Variants in HS3ST4 observed in about 807,000 individuals in gnomAD.
HS3ST4 encodes the protein heparan sulfate-glucosamine 3-sulfotransferase 4, also known as heparan sulfate glucosamine 3-O-sulfotransferase 4.
A neutral mutation model predicts 29.2 loss-of-function variants in HS3ST4; 17 were observed. The observed-to-expected ratio is 0.58, with a 90% CI of 0.40 to 0.87. The LOEUF (loss-of-function observed/expected upper bound fraction) is 0.87. Among genes scored for constraint, HS3ST4 ranks in the 40% least tolerant of loss-of-function variants. The probability of loss-of-function intolerance (pLI) is 0.00; values close to 1 mark genes in which losing one functional copy is unlikely to be tolerated. For synonymous variants in HS3ST4, 314 were observed against 285.7 expected (o/e 1.10, Z -1.00); for missense variants, 627 against 634.5 (o/e 0.99, Z 0.13).
At chr16:25,855,940 C>T (rs1402236804) in intron 1 of HS3ST4, among the ~76,000 whole-genome samples, 4 of 151,976 alleles carry the variant, frequency 2.6e-5, no homozygotes, top group Admixed American at 1.3e-4. Context: ...GAGAGAATGC[C>T]CTTTCCCCAG....
intron 1 of HS3ST4, among the ~76,000 whole-genome samples, chr16:25,905,238 G>A (rs1373937059): frequency 1.3e-5 from 2 of 152,136 alleles, no homozygotes; most frequent in Non-Finnish European, 2.9e-5. Context: ...AATGTTTTAA[G>A]CTAGGAACCT....
At chr16:25,741,365 TAAAAAAAAAAAA>T (rs66788248) in intron 1 of HS3ST4, among the ~76,000 whole-genome samples, 1 of 66,186 alleles carries the variant, frequency 1.5e-5, no homozygotes, top group Non-Finnish European at 2.6e-5. Context: ...GAATTCAAGG[TAAAAAAAAAAAA>T]AAAAAAAAAA....
At chr16:26,038,404 A>G (rs1242470376) in intron 1 of HS3ST4, among the ~76,000 whole-genome samples, 1 of 152,110 alleles carries the variant, frequency 6.6e-6, no homozygotes, top group Non-Finnish European at 1.5e-5. Flanking sequence ...TAGACAGACT[A>G]GAATAAAATC....
intron 1 of HS3ST4, among the ~76,000 whole-genome samples, chr16:26,098,411 A>G (rs566151574): frequency 6.6e-6 from 1 of 152,200 alleles, no homozygotes; most frequent in Non-Finnish European, 1.5e-5. Context: ...GCCGTAAAAA[A>G]GGGTGAGTTC....
At chr16:25,826,408 C>T (rs1257149510) in intron 1 of HS3ST4, 1 of 152,112 alleles carries the variant, frequency 6.6e-6, no homozygotes, top group East Asian at 1.9e-4. Flanking sequence ...TGGAGAGACA[C>T]AATTCAGTCC....
In HS3ST4 at chr16:26,087,946, T is replaced by G. The variant is rs1898809442; in HGVS notation, c.735-47666T>G. ...TGCATTCTTCCCACAGTAGCTAGAG[T>G]GATGATTTAAAAACAAAATAGTTTT... On this transcript the variant is annotated intron_variant, in intron 1 of 1. Coordinates refer to ENST00000331351, the MANE Select transcript of HS3ST4 (RefSeq NM_006040.3). 2.6e-5 allele frequency among the ~76,000 whole-genome samples: 4 copies of G among 152,132 alleles called. No homozygotes were observed. The South Asian group carries it at 8.3e-4, about 31-fold the overall frequency.
At chr16:26,085,544 G>T (rs1293256196) in intron 1 of HS3ST4, among the ~76,000 whole-genome samples, 1 of 151,960 alleles carries the variant, frequency 6.6e-6, no homozygotes, top group Non-Finnish European at 1.5e-5. Flanking sequence ...CAACTGACAG[G>T]TAGTTGGTTA....
At chr16:25,775,310 G>A (rs1423296981) in intron 1 of HS3ST4, among the ~76,000 whole-genome samples, 1 of 152,102 alleles carries the variant, frequency 6.6e-6, no homozygotes, top group Non-Finnish European at 1.5e-5. Flanking sequence ...CCTGCCTCTT[G>A]CCCTCCCATA....
intron 1 of HS3ST4, among the ~76,000 whole-genome samples, chr16:25,902,422 A>G (rs1230043818): frequency 6.6e-6 from 1 of 152,142 alleles, no homozygotes; most frequent in Non-Finnish European, 1.5e-5. Context: ...CTCAAGGCTG[A>G]AGCTGCAGTG....
chr16:25,968,146 C>G (rs979733060), intron 1 of HS3ST4, among the ~76,000 whole-genome samples: 1 of 152,102 alleles, frequency 6.6e-6, no homozygotes, highest in Non-Finnish European at 1.5e-5. Flanking sequence ...AGAGTCCTTG[C>G]AATCAGAATG....
rs1245722597 is a variant in HS3ST4, at chr16:25,692,576, G to C, written c.159G>C (p.Leu53=). The change falls in exon 1 of 2, where the codon CTG becomes CTC. Residue 53 remains leucine, a synonymous_variant. Transcript: ENST00000331351. ...TCACCTACCTGTGCTACAGCCTCCT[G>C]GGCGGCTCGGGCTCCCTGCAATTCC... The part of the protein sequence containing the change: ...LSVTYLCYSL[L]GGSGSLQFPL... 2 of 1,431,912 alleles carry C rather than the reference G, an allele frequency of 1.4e-6. No homozygotes were observed. Among genetic ancestry groups the C allele is most frequent in the South Asian group, 2.6e-5 (2 of 75,642 alleles). 88.7% of individuals were successfully genotyped at this position (1,431,912 alleles called of 1,614,324 possible). A position where few individuals can be genotyped will look rare whatever the true frequency, so the allele number is the denominator to read the frequency against.
chr16:26,126,248 C>G (rs2141813505), intron 1 of HS3ST4, among the ~76,000 whole-genome samples: 1 of 152,258 alleles, frequency 6.6e-6, no homozygotes, highest in South Asian at 2.1e-4. Flanking sequence ...TACTCAGCCA[C>G]ACAAAAATCC....
chr16:26,103,097 G>A (rs1232378748), intron 1 of HS3ST4, among the ~76,000 whole-genome samples: 1 of 152,158 alleles, frequency 6.6e-6, no homozygotes, highest in African/African-American at 2.4e-5. Flanking sequence ...CTGATTGCAA[G>A]GGAGCCTGGG....
Position 25,982,107 on chromosome 16 carries a change from C to A in HS3ST4, c.735-153505C>A, listed in dbSNP as rs138804594. Among the ~76,000 whole-genome samples the A allele has an allele frequency of 5.0e-3, 759 of 152,212 alleles. 4 individuals are homozygous for A. Among genetic ancestry groups the A allele is most frequent in the Middle Eastern group, 0.034 (10 of 294 alleles). Reference sequence around the variant, plus strand: ...CGTGCCCAGTGGCCCTCATTTACACCAACAGGTTCCACCTTTAGGAAAGCT... The same window carrying A: ...CGTGCCCAGTGGCCCTCATTTACACAAACAGGTTCCACCTTTAGGAAAGCT... On this transcript the variant is annotated intron_variant, in intron 1 of 1. Coordinates refer to ENST00000331351, the MANE Select transcript of HS3ST4 (RefSeq NM_006040.3).
intron 1 of HS3ST4, among the ~76,000 whole-genome samples, chr16:25,806,483 C>T (rs1269886854): frequency 6.6e-6 from 1 of 152,198 alleles, no homozygotes; most frequent in Non-Finnish European, 1.5e-5. Context: ...CACCAAATCC[C>T]TGTGCCAACC....
chr16:25,765,619 C>A (rs1966813171), intron 1 of HS3ST4, among the ~76,000 whole-genome samples: 1 of 152,102 alleles, frequency 6.6e-6, no homozygotes, highest in Admixed American at 6.6e-5. Context: ...CTCTTTTATG[C>A]CCTGCCTGGG....
intron 1 of HS3ST4, among the ~76,000 whole-genome samples, chr16:25,739,923 G>A (rs892296243): frequency 6.6e-6 from 1 of 152,208 alleles, no homozygotes. Context: ...CAGAAAGGTA[G>A]AGATGAGACC....
At chr16:25,863,814 G>A (rs1161550496) in intron 1 of HS3ST4, among the ~76,000 whole-genome samples, 2 of 152,206 alleles carry the variant, frequency 1.3e-5, no homozygotes, top group African/African-American at 2.4e-5. Context: ...TACTCAAGAA[G>A]TCCAGTGTTT....
chr16:25,973,147 G>T (rs1326065778), intron 1 of HS3ST4, among the ~76,000 whole-genome samples: 1 of 152,186 alleles, frequency 6.6e-6, no homozygotes, highest in African/African-American at 2.4e-5. Context: ...TCGGGGGAAG[G>T]CAGAGATGCA....
Sources: allele counts gnomAD v4.1 joint callset (sites outside exome capture counted in the v4.1 genomes callset), GRCh38; gene constraint gnomAD v4.1.1; transcripts MANE v1.5; gene names NCBI Gene and HGNC (gene_info 2026-07-23, HGNC 2026-07-21).